PITPNM2: variants seen among roughly 807,000 people sequenced by gnomAD.
PITPNM2 encodes phosphatidylinositol transfer protein membrane associated 2.
PITPNM2 carries 35 observed loss-of-function variants against 132.2 expected under a neutral mutation model. The observed-to-expected ratio is 0.26, with a 90% confidence interval of 0.20 to 0.35. The LOEUF (loss-of-function observed/expected upper bound fraction) is 0.35, where lower values mean the gene tolerates loss of function less well. Among genes scored for constraint, PITPNM2 ranks in the 10% least tolerant of loss-of-function variants. The probability of loss-of-function intolerance (pLI) is 1.00; values close to 1 mark genes in which losing one functional copy is unlikely to be tolerated. For missense variants in PITPNM2, 1,332 were observed against 1,912.0 expected (o/e 0.70, Z 5.66); for synonymous variants, 738 against 799.2 (o/e 0.92, Z 1.29).
At chr12:122,998,671 C>G (rs997290445) in intron 10 of PITPNM2, among the ~76,000 whole-genome samples, 4 of 151,756 alleles carry the variant, frequency 2.6e-5, no homozygotes, top group Admixed American at 2.6e-4. Flanking sequence ...CCCGAGGAGA[C>G]AGACCAAGGA....
intron 2 of PITPNM2, among the ~76,000 whole-genome samples, chr12:123,042,753 G>A (rs906203642): frequency 6.6e-6 from 1 of 152,150 alleles, no homozygotes; most frequent in Admixed American, 6.5e-5. Context: ...AGGAGCTGAA[G>A]CAGGCAATGG....
chr12:122,998,373 G>T (rs1190500468), intron 10 of PITPNM2, among the ~76,000 whole-genome samples: 1 of 152,178 alleles, frequency 6.6e-6, no homozygotes, highest in East Asian at 1.9e-4. Flanking sequence ...TAGGGGCTGC[G>T]AACTGCTCCA....
rs1342745158 is a variant in PITPNM2, at chr12:122,983,911, T to C, written c.*2116A>G. On this transcript the variant is annotated 3_prime_UTR_variant, in exon 26 of 26. Coordinates refer to ENST00000320201, the MANE Select transcript of PITPNM2 (RefSeq NM_020845.3). ...AACTCTGTAAACATTTTTGGTATTT[T>C]TAAAGGACGCTGCCCTCCCTCTCTT... 1.3e-5 allele frequency: 2 copies of C among 152,664 alleles called. No homozygotes were observed. The highest frequency in any genetic ancestry group is 6.5e-5 in the Admixed American group (1 of 15,290). The allele number at this position is 152,664 out of a possible 1,614,324, so 9.5% of individuals were successfully genotyped here.
chr12:123,049,369 C>T (rs2040784196), intron 2 of PITPNM2, among the ~76,000 whole-genome samples: 1 of 152,222 alleles, frequency 6.6e-6, no homozygotes, highest in African/African-American at 2.4e-5. Flanking sequence ...ACTCAGTTTA[C>T]TTCCAGCTTC....
At chr12:123,057,128 C>T (rs2041056995) in intron 2 of PITPNM2, among the ~76,000 whole-genome samples, 1 of 152,136 alleles carries the variant, frequency 6.6e-6, no homozygotes, top group Non-Finnish European at 1.5e-5. Flanking sequence ...CGCCTGCAAT[C>T]CCAGCACTTT....
chr12:123,012,584 C>G, intron 5 of PITPNM2, 29 bp downstream of exon 5: 2 of 1,613,178 alleles, frequency 1.2e-6, no homozygotes, highest in Non-Finnish European at 1.7e-6. Flanking sequence ...CAGAGTACAG[C>G]CCTGTGGGGC....
At chr12:123,017,044 T>G (rs932891345) in intron 3 of PITPNM2, among the ~76,000 whole-genome samples, 1 of 121,688 alleles carries the variant, frequency 8.2e-6, no homozygotes, top group Non-Finnish European at 1.7e-5. Context: ...AGACTCCATC[T>G]CAAAAAAAAA....
Position 123,008,698 on chromosome 12 carries a change from T to C in PITPNM2, c.643+1152A>G, listed in dbSNP as rs759257727. Among the ~76,000 whole-genome samples the C allele has an allele frequency of 4.6e-5, 7 of 152,314 alleles. No individual in the cohort carries two copies. Among genetic ancestry groups the C allele is most frequent in the Non-Finnish European group, 1.0e-4 (7 of 68,016 alleles). ...TCCTGCCACCTCTCCCAGCTGCTGA[T>C]TGACACCGCAGCAGCCCTTCTGGAA... On this transcript the variant is annotated intron_variant, in intron 6 of 25. Transcript: ENST00000320201. The surrounding 1 kb of genome is among the most constrained non-coding windows in gnomAD (Gnocchi z 4.1).
rs1210966244 is a variant in PITPNM2, at chr12:123,078,329, G to A, written c.-96+32056C>T. Among the ~76,000 whole-genome samples, 2 of 152,126 alleles carry A rather than the reference G, an allele frequency of 1.3e-5. No individual in the cohort carries two copies. Among genetic ancestry groups the A allele is most frequent in the Non-Finnish European group, 2.9e-5 (2 of 68,010 alleles). ...AGGTGGCCAGGCGGGGAGGGGTACCGGCCAGACCGGTGGGCAAAAGCAGCA... is the reference window on the plus strand; with the variant it reads ...AGGTGGCCAGGCGGGGAGGGGTACCAGCCAGACCGGTGGGCAAAAGCAGCA... On this transcript the variant is annotated intron_variant, in intron 2 of 25. Coordinates refer to ENST00000320201, the MANE Select transcript of PITPNM2 (RefSeq NM_020845.3). The surrounding 1 kb of genome is among the most constrained non-coding windows in gnomAD (Gnocchi z 7.3).
In PITPNM2 at chr12:123,063,315, A is replaced by AGGTG. The variant is rs1279434649; in HGVS notation, c.-95-28634_-95-28631dup. ...CACTGCCCAGCCGGTGGCCTTAGAT[A>AGGTG]GGTGGCCTTGGGCAGGTGGCCTGCG... is the stretch of plus-strand genomic sequence containing the variant. On this transcript the variant is annotated intron_variant, in intron 2 of 25. Transcript: ENST00000320201. 2.6e-5 allele frequency among the ~76,000 whole-genome samples: 4 copies of AGGTG among 152,350 alleles called. No individual in the cohort carries two copies. The East Asian group carries it at 7.7e-4, about 29-fold the overall frequency.
chr12:123,020,389 G>C (rs2039618973), intron 3 of PITPNM2, among the ~76,000 whole-genome samples: 1 of 152,160 alleles, frequency 6.6e-6, no homozygotes, highest in Non-Finnish European at 1.5e-5. Flanking sequence ...CCAAAGTGCT[G>C]GGATTACAGG....
chr12:123,038,259 G>A (rs923460009), intron 2 of PITPNM2, among the ~76,000 whole-genome samples: 5 of 152,290 alleles, frequency 3.3e-5, no homozygotes, highest in East Asian at 1.9e-4. Flanking sequence ...CAAATAAATC[G>A]TTCTATATCT....
chr12:123,034,458 G>A, intron 3 of PITPNM2, 55 bp downstream of exon 3: 4 of 1,531,348 alleles, frequency 2.6e-6, no homozygotes, highest in Non-Finnish European at 3.6e-6. Flanking sequence ...TGTGGTGTCT[G>A]TGCGCTGGCG....
intron 3 of PITPNM2, chr12:123,021,591 TA>T: frequency 1.1e-6 from 1 of 880,026 alleles, no homozygotes; most frequent in Non-Finnish European, 1.4e-6. Context: ...TCACAGTTTC[TA>T]AATCAAGCCC....
intron 3 of PITPNM2, among the ~76,000 whole-genome samples, chr12:123,018,871 C>T (rs1291769043): frequency 6.7e-6 from 1 of 148,994 alleles, no homozygotes; most frequent in East Asian, 2.0e-4. Flanking sequence ...GCAACCTCTG[C>T]CTCCCAGGCT....
At chr12:123,146,485 C>T (rs534159239) in intron 1 of PITPNM2, among the ~76,000 whole-genome samples, 8 of 151,770 alleles carry the variant, frequency 5.3e-5, no homozygotes, top group Admixed American at 5.2e-4. Context: ...TCCCAGCTAC[C>T]CAGGAGGCTG....
At chr12:123,087,335 C>T (rs1484597394) in intron 2 of PITPNM2, 1 of 151,468 alleles carries the variant, frequency 6.6e-6, no homozygotes, top group Non-Finnish European at 1.5e-5. Context: ...CACTGGCAAC[C>T]TCCACCTCCC....
chr12:123,004,748 CA>C lies in PITPNM2; in HGVS notation c.953-260del. 1 of 597,050 alleles carries C rather than the reference CA, an allele frequency of 1.7e-6. No homozygotes were observed. The highest frequency in any genetic ancestry group is 3.0e-6 in the Non-Finnish European group (1 of 333,736). The allele number at this position is 597,050 out of a possible 1,614,324, so 37.0% of individuals were successfully genotyped here. A position where few individuals can be genotyped will look rare whatever the true frequency, so the allele number is the denominator to read the frequency against. The stretch of plus-strand genomic sequence containing the variant: ...GGGAAGAGCATGACAGACATAAGCC[CA>C]GGACGTGGGGTAAGACAGGCCTGGG... On this transcript the variant is annotated intron_variant, in intron 7 of 25. Coordinates refer to ENST00000320201, the MANE Select transcript of PITPNM2 (RefSeq NM_020845.3). This position sits in a 1 kb window ranked among gnomAD's most constrained non-coding sequence, Gnocchi z 4.9.
chr12:123,058,591 T>C lies in PITPNM2; in HGVS notation c.-95-23906A>G, dbSNP rs1248336453. Among the ~76,000 whole-genome samples, 1 of 152,196 alleles carries C rather than the reference T, an allele frequency of 6.6e-6. No homozygotes were observed. The highest frequency in any genetic ancestry group is 2.4e-5 in the African/African-American group (1 of 41,460). On this transcript the variant is annotated intron_variant, in intron 2 of 25. Transcript: ENST00000320201. The surrounding 1 kb of genome is among the most constrained non-coding windows in gnomAD (Gnocchi z 4.0). ...CTGTTCCCTGCTGTCATTCTTGTTG[T>C]TCCCTGTTTGCGGTCCTCAGCTCCA...
Sources: gnomAD v4.1 joint callset for allele counts (sites outside exome capture counted in the v4.1 genomes callset) on GRCh38, gnomAD v4.1.1 for gene constraint, Gnocchi (gnomAD v3.1) non-coding constraint, MANE v1.5 for transcripts, NCBI Gene and HGNC (gene_info 2026-07-23, HGNC 2026-07-21) for gene names.